Variants in CDK6 observed in about 807,000 individuals in gnomAD.
CDK6 encodes cyclin-dependent kinase 6.
CDK6 carries 6 observed loss-of-function variants against 37.1 expected under a neutral mutation model. That is an observed-to-expected ratio of 0.16 (90% CI 0.09 to 0.32). The LOEUF (loss-of-function observed/expected upper bound fraction) is 0.32. Among genes scored for constraint, CDK6 ranks in the 10% least tolerant of loss-of-function variants. CDK6 has a pLI of 1.00. For synonymous variants in CDK6, 160 were observed against 161.3 expected (o/e 0.99, Z 0.06); for missense variants, 224 against 418.9 (o/e 0.53, Z 4.06).
At chr7:92,759,253 C>A (rs1799391827) in intron 3 of CDK6, among the ~76,000 whole-genome samples, 2 of 152,092 alleles carry the variant, frequency 1.3e-5, no homozygotes. Flanking sequence ...TTTTCCAGTC[C>A]ATTTCCCCTG....
chr7:92,836,449 C>T (rs1369528985), intron 1 of CDK6, 29 bp downstream of exon 1: 1 of 151,618 alleles, frequency 6.6e-6, no homozygotes, highest in Admixed American at 6.6e-5. Context: ...CACCCCGCAG[C>T]CCACCCACCC....
At chr7:92,824,284 A>G (rs2115995140) in intron 2 of CDK6, among the ~76,000 whole-genome samples, 1 of 152,226 alleles carries the variant, frequency 6.6e-6, no homozygotes, top group South Asian at 2.1e-4. Context: ...CCATAGGAAC[A>G]GCCTCAGAAA....
intron 2 of CDK6, among the ~76,000 whole-genome samples, chr7:92,795,928 T>C (rs1800396402): frequency 6.6e-6 from 1 of 152,116 alleles, no homozygotes; most frequent in Non-Finnish European, 1.5e-5. Flanking sequence ...GAGGTCATTC[T>C]ACTAAAGCCA....
chr7:92,656,927 C>A (rs997899418), intron 5 of CDK6, among the ~76,000 whole-genome samples: 6 of 152,138 alleles, frequency 3.9e-5, no homozygotes, highest in Admixed American at 6.5e-5. Context: ...CCTGAACAAG[C>A]AGGCCTTGCC....
chr7:92,624,513 G>C (rs986873382), intron 5 of CDK6, among the ~76,000 whole-genome samples: 3 of 152,082 alleles, frequency 2.0e-5, no homozygotes, highest in African/African-American at 7.2e-5. Context: ...TGGACTTCCA[G>C]CCTCCAGAAC....
chr7:92,710,289 T>C (rs774866103), intron 4 of CDK6, among the ~76,000 whole-genome samples: 3 of 152,224 alleles, frequency 2.0e-5, no homozygotes, highest in Non-Finnish European at 4.4e-5. Context: ...GAAAAGATTG[T>C]CTTCCCTGAT....
At chr7:92,724,504 T>G (rs1325664326) in intron 4 of CDK6, among the ~76,000 whole-genome samples, 2 of 152,144 alleles carry the variant, frequency 1.3e-5, no homozygotes, top group Non-Finnish European at 2.9e-5. Flanking sequence ...GGGGAACACT[T>G]TTATAAATTG....
In CDK6 at chr7:92,615,265, C is replaced by A. The variant is rs2116477556; in HGVS notation, c.856G>T (p.Ala286Ser). The A allele has an allele frequency of 1.2e-6, 2 of 1,613,860 alleles. No homozygotes were observed. The change falls in exon 8 of 8, where the codon GCC becomes TCC. Residue 286 changes from alanine (A) to serine (S), a missense_variant. By Grantham distance (99) the Ala-to-Ser change is moderately conservative. Coordinates refer to ENST00000424848, the MANE Select transcript of CDK6 (RefSeq NM_001145306.2). ...GCACTGTAGGCAGATATTCTTTTGG[C>A]TGGGTTAAATGTCAAACACTTCTGT... ...LLLKCLTFNP[A>S]KRISAYSALS...
chr7:92,662,114 C>T (rs753444232), intron 5 of CDK6, among the ~76,000 whole-genome samples: 1 of 152,102 alleles, frequency 6.6e-6, no homozygotes, highest in Non-Finnish European at 1.5e-5. Flanking sequence ...AAGTGAGAAC[C>T]TAGAAGCAGG....
At chr7:92,711,220 C>T (rs1384436617) in intron 4 of CDK6, among the ~76,000 whole-genome samples, 2 of 152,010 alleles carry the variant, frequency 1.3e-5, no homozygotes, top group Admixed American at 1.3e-4. Context: ...AGTGTTCATC[C>T]TGGGAGACTG....
chr7:92,655,930 T>C (rs777737675), intron 5 of CDK6, among the ~76,000 whole-genome samples: 27 of 152,240 alleles, frequency 1.8e-4, no homozygotes, highest in Non-Finnish European at 3.1e-4. Flanking sequence ...AACAATCCTA[T>C]CTATGAGTAC....
chr7:92,724,489 G>C (rs897123641), intron 4 of CDK6, among the ~76,000 whole-genome samples: 7 of 152,112 alleles, frequency 4.6e-5, no homozygotes, highest in African/African-American at 1.7e-4. Context: ...CTGGGGGCAG[G>C]GGGTGGGGAA....
chr7:92,627,315 T>C (rs1412295826), intron 5 of CDK6, among the ~76,000 whole-genome samples: 1 of 152,118 alleles, frequency 6.6e-6, no homozygotes, highest in African/African-American at 2.4e-5. Context: ...ACTGACTGTA[T>C]ACAGACTGAA....
intron 2 of CDK6, among the ~76,000 whole-genome samples, chr7:92,825,773 A>C (rs1445107381): frequency 2.6e-5 from 4 of 152,166 alleles, no homozygotes; most frequent in African/African-American, 9.7e-5. Flanking sequence ...TGTATTTATA[A>C]TACCTTACTT....
intron 5 of CDK6, among the ~76,000 whole-genome samples, chr7:92,670,926 T>A (rs188006371): frequency 2.0e-5 from 3 of 152,322 alleles, no homozygotes; most frequent in Admixed American, 1.3e-4. Context: ...ATCTAATCTC[T>A]CCTGTACACG....
chr7:92,812,138 C>CA (rs1228710613), intron 2 of CDK6, among the ~76,000 whole-genome samples: 1 of 151,860 alleles, frequency 6.6e-6, no homozygotes, highest in Non-Finnish European at 1.5e-5. Context: ...GACTCCAACT[C>CA]AAAAAAACAA....
intron 3 of CDK6, among the ~76,000 whole-genome samples, chr7:92,726,665 C>A (rs953949143): frequency 6.6e-6 from 1 of 152,184 alleles, no homozygotes. Context: ...CCTGCCTCAG[C>A]CTCCCAAAGT....
chr7:92,753,682 T>C (rs1432664476), intron 3 of CDK6, among the ~76,000 whole-genome samples: 2 of 152,122 alleles, frequency 1.3e-5, no homozygotes, highest in South Asian at 4.1e-4. Context: ...CTTTTGAAAT[T>C]GGCATCTCTT....
At chr7:92,673,947 T>A (rs1797147994) in intron 4 of CDK6, among the ~76,000 whole-genome samples, 1 of 151,944 alleles carries the variant, frequency 6.6e-6, no homozygotes, top group African/African-American at 2.4e-5. Context: ...CCGGCTAATT[T>A]TTTTTGTATT....
Sources: gnomAD v4.1 joint callset for allele counts (sites outside exome capture counted in the v4.1 genomes callset) on GRCh38, gnomAD v4.1.1 for gene constraint, MANE v1.5 for transcripts, NCBI Gene and HGNC (gene_info 2026-07-23, HGNC 2026-07-21) for gene names.